Variants in KCNIP1 observed in about 807,000 individuals in gnomAD.
The protein encoded by KCNIP1 is potassium voltage-gated channel interacting protein 1, also known as A-type potassium channel modulatory protein KCNIP1.
KCNIP1 carries 18 observed loss-of-function variants against 33.0 expected under a neutral mutation model. The ratio of observed to expected loss-of-function variants is 0.55; its 90% CI spans 0.38 to 0.81. The LOEUF is 0.81. Ranked by LOEUF, KCNIP1 falls within the 30% of genes least tolerant of loss-of-function variation. KCNIP1 has a pLI of 0.00. For missense variants in KCNIP1, 238 were observed against 271.6 expected (o/e 0.88, Z 0.87); for synonymous variants, 93 against 98.3 (o/e 0.95, Z 0.32).
Position 170,418,385 on chromosome 5 carries a change from C to T in KCNIP1, c.88+64421C>T, listed in dbSNP as rs147157369. Reference sequence around the variant, plus strand: ...GGTGGAGGTTGCAGAGCTGAGACTGCACCACTGCGCTCCAGCCTGGGCTAC... The same window carrying T: ...GGTGGAGGTTGCAGAGCTGAGACTGTACCACTGCGCTCCAGCCTGGGCTAC... On this transcript the variant is annotated intron_variant, in intron 1 of 7. Transcript: ENST00000377360. Among the ~76,000 whole-genome samples, 770 of 152,292 alleles carry T rather than the reference C, an allele frequency of 5.1e-3. 6 individuals carry two copies. Among genetic ancestry groups the T allele is most frequent in the African/African-American group, 0.018 (743 of 41,570 alleles).
intron 1 of KCNIP1, among the ~76,000 whole-genome samples, chr5:170,476,524 T>C (rs1301201701): frequency 1.3e-5 from 2 of 152,206 alleles, no homozygotes; most frequent in African/African-American, 4.8e-5. Context: ...AAACACAATA[T>C]GAATAGAAAA....
chr5:170,720,791 T>C (rs1049373091), intron 3 of KCNIP1, among the ~76,000 whole-genome samples: 2 of 152,268 alleles, frequency 1.3e-5, no homozygotes, highest in African/African-American at 4.8e-5. Flanking sequence ...ACCACCATTG[T>C]GCAGGGCACT....
chr5:170,502,771 G>A (rs1187989389), upstream of KCNIP1, among the ~76,000 whole-genome samples: 2 of 152,040 alleles, frequency 1.3e-5, no homozygotes, highest in Admixed American at 1.3e-4. Context: ...GGATTGTAGG[G>A]GGCAGCTTGG....
chr5:170,647,856 A>T (rs1760850809), intron 1 of KCNIP1, among the ~76,000 whole-genome samples: 2 of 152,174 alleles, frequency 1.3e-5, no homozygotes, highest in South Asian at 2.1e-4. Context: ...AGACTGGGAA[A>T]AAATATTTGA....
At chr5:170,604,228 C>T (rs1758809631) in intron 1 of KCNIP1, among the ~76,000 whole-genome samples, 1 of 152,048 alleles carries the variant, frequency 6.6e-6, no homozygotes, top group Non-Finnish European at 1.5e-5. Context: ...CAGGTCCTCG[C>T]TATTAGGATT....
intron 1 of KCNIP1, among the ~76,000 whole-genome samples, chr5:170,482,629 T>G (rs1757001151): frequency 6.6e-6 from 1 of 152,148 alleles, no homozygotes. Context: ...CCAAAAGCCA[T>G]AGCTCCCAGA....
At position 170,420,953 on chromosome 5, in the gene KCNIP1, G is replaced by T. The variant is rs1755473432; in HGVS notation, c.88+66989G>T. Reference sequence around the variant, plus strand: ...TGGGGTCTGCCAGCCGGACAGCGAGGTCTAGCCCTGATCTGAGCAGGAGCC... The same window carrying T: ...TGGGGTCTGCCAGCCGGACAGCGAGTTCTAGCCCTGATCTGAGCAGGAGCC... On this transcript the variant is annotated intron_variant, in intron 1 of 7. Coordinates refer to the KCNIP1 transcript ENST00000377360. Among the ~76,000 whole-genome samples the T allele has an allele frequency of 3.3e-5, 5 of 152,178 alleles. No individual in the cohort carries two copies. The South Asian group carries it at 1.0e-3, about 31-fold the overall frequency.
Position 170,695,434 on chromosome 5 carries a change from C to G in KCNIP1, c.62-23324C>G, listed in dbSNP as rs185413048. On this transcript the variant is annotated intron_variant, in intron 1 of 7. Transcript: ENST00000328939. ...GGCATCCCAGAAGCTCCCTATTTGC[C>G]CCATTTGATTCATTACTCCCCAAAG... Among the ~76,000 whole-genome samples the G allele has an allele frequency of 1.2e-4, 18 of 152,300 alleles. No individual in the cohort carries two copies. The East Asian group carries it at 3.3e-3, about 28-fold the overall frequency.
chr5:170,397,738 A>G (rs541428543), intron 1 of KCNIP1, among the ~76,000 whole-genome samples: 116 of 152,310 alleles, frequency 7.6e-4, no homozygotes, highest in Non-Finnish European at 1.4e-3. Context: ...TGAGTGACCA[A>G]TGGCCCATGA....
At chr5:170,513,972 C>T (rs139742148) in intron 1 of KCNIP1, among the ~76,000 whole-genome samples, 6 of 152,242 alleles carry the variant, frequency 3.9e-5, no homozygotes, top group African/African-American at 9.6e-5. Flanking sequence ...GAGTAGGAAA[C>T]GTAGATGCAG....
At chr5:170,483,721 G>C (rs763686910) in intron 1 of KCNIP1, 11 of 152,188 alleles carry the variant, frequency 7.2e-5, no homozygotes, top group Non-Finnish European at 1.5e-4. Flanking sequence ...TAAAAACGCA[G>C]CATCTGTAGA....
chr5:170,530,171 A>C (rs920521231), intron 1 of KCNIP1, among the ~76,000 whole-genome samples: 2 of 152,014 alleles, frequency 1.3e-5, no homozygotes, highest in African/African-American at 4.8e-5. Context: ...GTAGGTGCTC[A>C]TGGCTCATAA....
chr5:170,586,848 C>A (rs1038569370), intron 1 of KCNIP1, among the ~76,000 whole-genome samples: 1 of 152,184 alleles, frequency 6.6e-6, no homozygotes, highest in Admixed American at 6.5e-5. Flanking sequence ...TTCATTTAGT[C>A]AACAACTGTG....
intron 1 of KCNIP1, chr5:170,376,627 G>A (rs1398507012): frequency 2.0e-5 from 3 of 151,970 alleles, no homozygotes; most frequent in Admixed American, 1.3e-4. Flanking sequence ...ATTTAGTTTT[G>A]TGTCCCTGTG....
intron 1 of KCNIP1, among the ~76,000 whole-genome samples, chr5:170,691,742 G>A (rs1220140499): frequency 1.3e-5 from 2 of 152,096 alleles, no homozygotes; most frequent in African/African-American, 4.8e-5. Flanking sequence ...TGGTCCAAGA[G>A]GCTTCTGGTG....
chr5:170,490,390 GTGGTGATGAAACAGT>G, intron 1 of KCNIP1, among the ~76,000 whole-genome samples: 1 of 152,334 alleles, frequency 6.6e-6, no homozygotes, highest in Middle Eastern at 3.4e-3. Flanking sequence ...GGAGCCCCCC[GTGGTGATGAAACAGT>G]TGGTATCTTG....
chr5:170,666,737 A>G (rs186222440), intron 1 of KCNIP1, among the ~76,000 whole-genome samples: 1 of 152,074 alleles, frequency 6.6e-6, no homozygotes, highest in Admixed American at 6.5e-5. Flanking sequence ...GCCCTGGTTT[A>G]CCTCCCTGTC....
chr5:170,463,819 G>C (rs530681188), intron 1 of KCNIP1, among the ~76,000 whole-genome samples: 1 of 152,188 alleles, frequency 6.6e-6, no homozygotes, highest in East Asian at 1.9e-4. Context: ...GTTCTAGCCA[G>C]AACAATTAGG....
chr5:170,511,169 A>G (rs1278783063), intron 1 of KCNIP1, among the ~76,000 whole-genome samples: 1 of 152,246 alleles, frequency 6.6e-6, no homozygotes, highest in Non-Finnish European at 1.5e-5. Context: ...AGACTGCACC[A>G]TTGCACTCCA....
Sources: gnomAD v4.1 joint callset for allele counts (sites outside exome capture counted in the v4.1 genomes callset) on GRCh38, gnomAD v4.1.1 for gene constraint, MANE v1.5 for transcripts, NCBI Gene and HGNC (gene_info 2026-07-23, HGNC 2026-07-21) for gene names.